The following LINGO2 variants were observed in gnomAD, a reference collection of about 807,000 sequenced individuals.
The protein encoded by LINGO2 is leucine-rich repeat and immunoglobulin-like domain-containing nogo receptor-interacting protein 2.
Under a neutral mutation model 30.6 loss-of-function variants are expected in LINGO2, and 14 were observed. The observed-to-expected ratio is 0.46, with a 90% CI of 0.30 to 0.72. The LOEUF (loss-of-function observed/expected upper bound fraction) is 0.72. LINGO2 is among the 30% of genes least tolerant of loss of function. The pLI is 0.07. For missense variants in LINGO2, 729 were observed against 751.7 expected (o/e 0.97, Z 0.35); for synonymous variants, 317 against 288.5 (o/e 1.10, Z -1.00).
At chr9:28,306,050 C>T (rs1824338841) in intron 3 of LINGO2, among the ~76,000 whole-genome samples, 1 of 151,886 alleles carries the variant, frequency 6.6e-6, no homozygotes, top group Non-Finnish European at 1.5e-5. Flanking sequence ...CAAGCCAAAC[C>T]AATCAGGATC....
At chr9:28,143,783 C>T (rs759664708) in intron 4 of LINGO2, among the ~76,000 whole-genome samples, 3 of 151,802 alleles carry the variant, frequency 2.0e-5, no homozygotes, top group Non-Finnish European at 4.4e-5. Context: ...ATAAGAACTG[C>T]CTATTAGATT....
At chr9:28,622,821 T>G (rs1390322065) in intron 1 of LINGO2, among the ~76,000 whole-genome samples, 1 of 152,036 alleles carries the variant, frequency 6.6e-6, no homozygotes, top group Non-Finnish European at 1.5e-5. Flanking sequence ...ATACAAATGT[T>G]TCCTTTTCTC....
chr9:28,750,119 T>C, the LINGO2 span, among the ~76,000 whole-genome samples: 2 of 152,124 alleles, frequency 1.3e-5, no homozygotes, highest in Non-Finnish European at 2.9e-5. Flanking sequence ...GGATAAAAAA[T>C]GGTGGGACCT....
intron 3 of LINGO2, among the ~76,000 whole-genome samples, chr9:28,317,019 C>T (rs1219564246): frequency 6.6e-6 from 1 of 152,098 alleles, no homozygotes; most frequent in African/African-American, 2.4e-5. Flanking sequence ...CGTCATTATC[C>T]TTATGTTGAA....
chr9:28,102,380 C>T (rs997297919), intron 4 of LINGO2, among the ~76,000 whole-genome samples: 3 of 151,838 alleles, frequency 2.0e-5, no homozygotes, highest in Non-Finnish European at 4.4e-5. Context: ...GAGGGGGATC[C>T]CTAGCTGCCA....
chr9:28,136,508 C>T (rs754249550), intron 4 of LINGO2, among the ~76,000 whole-genome samples: 44 of 152,212 alleles, frequency 2.9e-4, no homozygotes, highest in Non-Finnish European at 4.9e-4. Flanking sequence ...CAGGGATGCT[C>T]AGGATTTCAG....
chr9:28,250,007 T>G (rs1193350673), intron 4 of LINGO2, among the ~76,000 whole-genome samples: 1 of 152,120 alleles, frequency 6.6e-6, no homozygotes, highest in Non-Finnish European at 1.5e-5. Flanking sequence ...ACTCTGGTAC[T>G]CATTCTCAGA....
chr9:28,772,261 C>T, the LINGO2 span, among the ~76,000 whole-genome samples: 3 of 152,144 alleles, frequency 2.0e-5, no homozygotes, highest in African/African-American at 7.2e-5. Flanking sequence ...GTTTCTCACC[C>T]TAGAAAATCC....
chr9:28,558,398 C>T (rs1587859717), intron 1 of LINGO2, among the ~76,000 whole-genome samples: 1 of 151,914 alleles, frequency 6.6e-6, no homozygotes, highest in South Asian at 2.1e-4. Context: ...AGTGTTTCAG[C>T]GTTTAGTATG....
At chr9:28,669,300 A>T (rs1270097168) in intron 1 of LINGO2, among the ~76,000 whole-genome samples, 1 of 152,068 alleles carries the variant, frequency 6.6e-6, no homozygotes, top group Non-Finnish European at 1.5e-5. Context: ...CCTTTTTAGA[A>T]AACTTCTTTT....
At chr9:29,208,445 A>C in the LINGO2 span, among the ~76,000 whole-genome samples, 1 of 152,022 alleles carries the variant, frequency 6.6e-6, no homozygotes, top group Non-Finnish European at 1.5e-5. Context: ...TATTAATAAT[A>C]ACTTTGAGAA....
intron 4 of LINGO2, among the ~76,000 whole-genome samples, chr9:28,241,397 A>T (rs551885245): frequency 1.2e-4 from 18 of 152,154 alleles, no homozygotes; most frequent in Admixed American, 2.6e-4. Flanking sequence ...ACAGTGTGCA[A>T]GTCCTGCAGT....
intron 1 of LINGO2, among the ~76,000 whole-genome samples, chr9:28,574,329 C>G (rs1823849200): frequency 6.6e-6 from 1 of 152,142 alleles, no homozygotes; most frequent in African/African-American, 2.4e-5. Context: ...TCATCAGATC[C>G]TGAAGGGAAT....
intron 4 of LINGO2, among the ~76,000 whole-genome samples, chr9:28,035,969 A>G (rs1823915886): frequency 6.6e-6 from 1 of 152,202 alleles, no homozygotes; most frequent in Non-Finnish European, 1.5e-5. Flanking sequence ...TGGTCATTCA[A>G]TATCTAGCCT....
chr9:28,484,920 C>G (rs1184584210), intron 1 of LINGO2, among the ~76,000 whole-genome samples: 1 of 151,988 alleles, frequency 6.6e-6, no homozygotes, highest in Non-Finnish European at 1.5e-5. Context: ...ATATTGAACT[C>G]TTAGAGAGGG....
chr9:29,088,397 C>A, the LINGO2 span, among the ~76,000 whole-genome samples: 2 of 152,048 alleles, frequency 1.3e-5, no homozygotes, highest in Non-Finnish European at 2.9e-5. Context: ...CCTAAAGAGT[C>A]GACTCTGAGT....
chr9:28,553,861 A>G (rs1375887743), intron 1 of LINGO2, among the ~76,000 whole-genome samples: 1 of 152,138 alleles, frequency 6.6e-6, no homozygotes, highest in Non-Finnish European at 1.5e-5. Context: ...CTTGAAGAAA[A>G]GAATTTTCGA....
chr9:28,484,515 T>C (rs1040320119), intron 1 of LINGO2, among the ~76,000 whole-genome samples: 2 of 152,094 alleles, frequency 1.3e-5, no homozygotes, highest in South Asian at 2.1e-4. Flanking sequence ...CACCACTTTC[T>C]TGAATACAAA....
chr9:28,849,603 A>G, the LINGO2 span, among the ~76,000 whole-genome samples: 2 of 151,984 alleles, frequency 1.3e-5, no homozygotes, highest in Non-Finnish European at 1.5e-5. Flanking sequence ...AGTTGTCATT[A>G]TTTCTCTGAG....
Sources: allele counts gnomAD v4.1 joint callset (sites outside exome capture counted in the v4.1 genomes callset), GRCh38; gene constraint gnomAD v4.1.1; transcripts MANE v1.5; gene names NCBI Gene and HGNC (gene_info 2026-07-23, HGNC 2026-07-21).